CCBE1: variants seen among roughly 807,000 people sequenced by gnomAD.
The protein encoded by CCBE1 is collagen and calcium-binding EGF domain-containing protein 1.
In CCBE1, 37 loss-of-function variants were observed where a neutral mutation model predicts 50.0. The ratio of observed to expected loss-of-function variants is 0.74; its 90% CI spans 0.57 to 0.97. CCBE1 has a LOEUF of 0.97. Among genes scored for constraint, CCBE1 ranks in the 50% least tolerant of loss-of-function variants. The pLI is 0.00. For synonymous variants in CCBE1, 234 were observed against 203.7 expected (o/e 1.15, Z -1.27); for missense variants, 538 against 523.8 (o/e 1.03, Z -0.26).
chr18:59,438,228 C>T, intron 9 of CCBE1, 82 bp from the exon 10 acceptor site: 3 of 1,207,634 alleles, frequency 2.5e-6, no homozygotes, highest in Non-Finnish European at 3.7e-6. Flanking sequence ...CCCACCATAA[C>T]CACTTCCCTG....
chr18:59,595,876 T>C (rs1001635508), intron 2 of CCBE1, among the ~76,000 whole-genome samples: 4 of 152,220 alleles, frequency 2.6e-5, no homozygotes, highest in Non-Finnish European at 4.4e-5. Flanking sequence ...CTCCATCAGA[T>C]ACTCCAAGGA....
chr18:59,545,211 C>G (rs1422962969), intron 2 of CCBE1, among the ~76,000 whole-genome samples: 3 of 152,030 alleles, frequency 2.0e-5, no homozygotes, highest in Non-Finnish European at 4.4e-5. Flanking sequence ...ATATGCATCT[C>G]TATATATGTG....
At chr18:59,616,228 C>T (rs2053634724) in intron 2 of CCBE1, among the ~76,000 whole-genome samples, 1 of 152,008 alleles carries the variant, frequency 6.6e-6, no homozygotes, top group African/African-American at 2.4e-5. Flanking sequence ...GGAGAGAGAT[C>T]AAGAGATGAC....
intron 2 of CCBE1, chr18:59,688,104 C>T (rs921089864): frequency 3.9e-5 from 6 of 152,018 alleles, no homozygotes; most frequent in African/African-American, 1.2e-4. Flanking sequence ...TTTTTTCCCT[C>T]GATGGGTATT....
chr18:59,642,459 C>T (rs1271938056), intron 2 of CCBE1, among the ~76,000 whole-genome samples: 2 of 151,376 alleles, frequency 1.3e-5, no homozygotes, highest in Non-Finnish European at 3.0e-5. Flanking sequence ...TGTGTAGGTC[C>T]CTCCTTGGAG....
At chr18:59,652,883 G>A (rs1488184042) in intron 2 of CCBE1, among the ~76,000 whole-genome samples, 1 of 151,882 alleles carries the variant, frequency 6.6e-6, no homozygotes. Context: ...AGAATGGTGT[G>A]AACCTGGGAG....
In CCBE1 at chr18:59,697,236, C is replaced by A; in HGVS notation, c.107G>T (p.Arg36Ile). The change falls in exon 1 of 11, where the codon AGA becomes ATA. Residue 36 changes from arginine to isoleucine, a missense_variant. Arg to Ile is a moderately conservative substitution (Grantham distance 97). Transcript: ENST00000439986. Reference sequence around the variant, plus strand: ...CCTGTCGCCGTCCTCCGGCTCCTCTCTGTAGGTCCACGTGTGTCCCAACGC... The same window carrying A: ...CCTGTCGCCGTCCTCCGGCTCCTCTATGTAGGTCCACGTGTGTCCCAACGC... ...LLALGHTWTYREEPEDGDREI... is the reference protein window; with the variant it reads ...LLALGHTWTYIEEPEDGDREI... 6.5e-7 allele frequency: 1 copy of A among 1,549,192 alleles called. No individual in the cohort carries two copies. The highest frequency in any genetic ancestry group is 8.7e-7 in the Non-Finnish European group (1 of 1,146,728).
Position 59,477,318 on chromosome 18 carries a change from C to T in CCBE1, c.265+2868G>A, listed in dbSNP as rs149198693. On this transcript the variant is annotated intron_variant, in intron 3 of 10. Transcript: ENST00000439986. Reference sequence around the variant, plus strand: ...AACAACTCAATTCAGGCAGGGCTAACGTCTCAGATCCTTCAGGAATGAAGG... The same window carrying T: ...AACAACTCAATTCAGGCAGGGCTAATGTCTCAGATCCTTCAGGAATGAAGG... 3.4e-4 allele frequency among the ~76,000 whole-genome samples: 51 copies of T among 151,290 alleles called. No individual in the cohort carries two copies. In the East Asian group the frequency reaches 6.0e-3, roughly 18 times the overall value.
chr18:59,538,957 C>G (rs9954617), intron 2 of CCBE1, among the ~76,000 whole-genome samples: 2 of 152,000 alleles, frequency 1.3e-5, no homozygotes, highest in African/African-American at 4.8e-5. Flanking sequence ...ACAGGAGGAC[C>G]GCTTGAGGCC....
intron 2 of CCBE1, among the ~76,000 whole-genome samples, chr18:59,561,140 T>C (rs1352019565): frequency 6.6e-6 from 1 of 152,184 alleles, no homozygotes; most frequent in Non-Finnish European, 1.5e-5. Flanking sequence ...GTGTAAATGA[T>C]AATCACCAAA....
chr18:59,692,914 G>T (rs991480088), intron 2 of CCBE1, among the ~76,000 whole-genome samples: 1 of 146,320 alleles, frequency 6.8e-6, no homozygotes, highest in African/African-American at 2.5e-5. Context: ...TTTTTAAAAA[G>T]CATTTAACAC....
rs61745250 is a variant in CCBE1 at position 59,439,755 on chromosome 18, G to A, written c.837C>T (p.Pro279=). The change falls in exon 8 of 11, where the codon CCC becomes CCT. Residue 279 remains proline, a synonymous_variant. Transcript: ENST00000439986. ...FPGMPGPPGQ[P]GPRGSMGPMG... ...TGGGTCCCATTGAGCCCCGTGGGCC[G>A]GGCTGCCCAGGAGGGCCTGGCATAC... 25,649 of 1,614,160 alleles carry A rather than the reference G, an allele frequency of 0.016. 252 individuals carry two copies. Among genetic ancestry groups the A allele is most frequent in the Non-Finnish European group, 0.02 (23,021 of 1,180,004 alleles).
chr18:59,644,226 T>C (rs1047615051), intron 2 of CCBE1, among the ~76,000 whole-genome samples: 60 of 152,324 alleles, frequency 3.9e-4, no homozygotes, highest in African/African-American at 1.4e-3. Flanking sequence ...CTAATGCCGT[T>C]GCTGATCTGA....
intron 5 of CCBE1, among the ~76,000 whole-genome samples, chr18:59,455,407 C>T (rs1352890653): frequency 2.0e-5 from 3 of 152,140 alleles, no homozygotes; most frequent in Non-Finnish European, 4.4e-5. Context: ...TCAAAGGGAG[C>T]ACAGCAGTGG....
rs187582050 is a variant in CCBE1 at position 59,556,968 on chromosome 18, C to G, written c.213-76730G>C. 3.1e-3 allele frequency among the ~76,000 whole-genome samples: 371 copies of G among 120,212 alleles called. 3 individuals are homozygous for G. The highest frequency in any genetic ancestry group is 9.7e-3 in the African/African-American group (355 of 36,412). 78.9% of individuals were successfully genotyped at this position (120,212 alleles called of 152,430 possible). ...CCATGTTTCACATTAGTGCTGGCCA[C>G]CAGGGGTATCTTGTGTGTGATTTGG... On this transcript the variant is annotated intron_variant, in intron 2 of 10. Transcript: ENST00000439986.
chr18:59,440,700 G>A lies in CCBE1; in HGVS notation c.776-884C>T, dbSNP rs76576095. ...GGAAATGTTCTTCTGGCTAAGATTTGCCACAGGTACAAGGCATGCTGGGGG... is the reference window on the plus strand; with the variant it reads ...GGAAATGTTCTTCTGGCTAAGATTTACCACAGGTACAAGGCATGCTGGGGG... On this transcript the variant is annotated intron_variant, in intron 7 of 10. Transcript: ENST00000439986. 7.7e-3 allele frequency among the ~76,000 whole-genome samples: 1,168 copies of A among 152,238 alleles called. 8 individuals carry two copies. Among genetic ancestry groups the A allele is most frequent in the African/African-American group, 0.027 (1,113 of 41,534 alleles).
intron 2 of CCBE1, among the ~76,000 whole-genome samples, chr18:59,651,879 A>T (rs1262118856): frequency 6.6e-6 from 1 of 152,228 alleles, no homozygotes; most frequent in Non-Finnish European, 1.5e-5. Context: ...TGTAGCAATC[A>T]AGTCAGTGTA....
intron 2 of CCBE1, among the ~76,000 whole-genome samples, chr18:59,629,378 A>G (rs1236169257): frequency 6.6e-6 from 1 of 152,160 alleles, no homozygotes; most frequent in African/African-American, 2.4e-5. Flanking sequence ...GCCATTTCCA[A>G]TGCTGCTGTT....
intron 2 of CCBE1, among the ~76,000 whole-genome samples, chr18:59,571,572 T>C (rs1251667396): frequency 1.3e-5 from 2 of 152,088 alleles, no homozygotes; most frequent in Non-Finnish European, 2.9e-5. Context: ...CATATATACA[T>C]ATGTAACAAA....
Sources: gnomAD v4.1 joint callset for allele counts (sites outside exome capture counted in the v4.1 genomes callset) on GRCh38, gnomAD v4.1.1 for gene constraint, MANE v1.5 for transcripts, NCBI Gene and HGNC (gene_info 2026-07-23, HGNC 2026-07-21) for gene names.